C14orf39: variants seen among roughly 807,000 people sequenced by gnomAD.
C14orf39 encodes the protein chromosome 14 open reading frame 39.
A neutral mutation model predicts 85.6 loss-of-function variants in C14orf39; 66 were observed. That is an observed-to-expected ratio of 0.77 (90% CI 0.63 to 0.95). The LOEUF (loss-of-function observed/expected upper bound fraction) is 0.95. C14orf39 is among the 40% of genes least tolerant of loss of function. The pLI is 0.00. For missense variants in C14orf39, 735 were observed against 663.9 expected (o/e 1.11, Z -1.18); for synonymous variants, 242 against 214.0 (o/e 1.13, Z -1.14).
At chr14:60,500,097 G>A (rs1481927289) in intron 1 of C14orf39, among the ~76,000 whole-genome samples, 1 of 152,086 alleles carries the variant, frequency 6.6e-6, no homozygotes, top group East Asian at 1.9e-4. Flanking sequence ...GCGCGATCTT[G>A]GCTCACTACA....
intron 1 of C14orf39, among the ~76,000 whole-genome samples, chr14:60,507,956 C>A (rs1465867196): frequency 1.3e-5 from 2 of 152,090 alleles, no homozygotes; most frequent in Non-Finnish European, 2.9e-5. Flanking sequence ...TTGACCCAGG[C>A]CTCAGAAAAT....
chr14:60,441,711 GAAGA>G (rs1392038214), intron 17 of C14orf39, among the ~76,000 whole-genome samples: 10 of 151,742 alleles, frequency 6.6e-5, no homozygotes, highest in Admixed American at 6.6e-4. Context: ...AAGGAAAAAT[GAAGA>G]AAGAATATCC....
chr14:60,458,701 T>C lies in C14orf39; in HGVS notation c.1156A>G (p.Arg386Gly), dbSNP rs113636806. The change falls in exon 14 of 18, where the codon AGA (arginine) becomes GGA (glycine). Residue 386 changes from arginine (R) to glycine (G), a missense_variant. Transcript: ENST00000321731. ...YGDKGTVRQVRESKCTSQAIY... is the reference protein window; with the variant it reads ...YGDKGTVRQVGESKCTSQAIY... ...ACTTGTGAAGTACATTTTGATTCTC[T>C]TACTTGTCTTACTGTCCCTTTATCT... The C allele has an allele frequency of 1.7e-4, 280 of 1,603,330 alleles. 4 individuals carry two copies. The African/African-American group carries it at 1.9e-3, about 11-fold the overall frequency.
chr14:60,507,346 G>A (rs1566690131), intron 1 of C14orf39, among the ~76,000 whole-genome samples: 1 of 152,214 alleles, frequency 6.6e-6, no homozygotes, highest in East Asian at 1.9e-4. Context: ...CTGCGTGTTC[G>A]GGGCCCTTGT....
chr14:60,496,268 C>T (rs1020600201), intron 2 of C14orf39: 1 of 389,040 alleles, frequency 2.6e-6, no homozygotes, highest in Non-Finnish European at 5.2e-6. Context: ...AGGATCTGCT[C>T]AAGGACCCAC....
chr14:60,499,846 A>G (rs149521194), intron 1 of C14orf39, among the ~76,000 whole-genome samples: 1,949 of 152,346 alleles, frequency 0.013, 18 homozygotes, highest in Middle Eastern at 0.027. Context: ...AAACATCCCA[A>G]TGGAAAATTC....
At chr14:60,473,457 T>A (rs1162234303) in intron 5 of C14orf39, among the ~76,000 whole-genome samples, 1 of 152,194 alleles carries the variant, frequency 6.6e-6, no homozygotes, top group Non-Finnish European at 1.5e-5. Flanking sequence ...GCTTTTGGTG[T>A]TTTAGACATG....
In C14orf39 at chr14:60,509,356, C is replaced by T. The variant is rs768860283; in HGVS notation, c.-144+6039G>A. ...GGCCCGCGGGCATCTGCTGCGTGTC[C>T]CGCTCCGGGCTCAGTGCCCTCGCCG... On this transcript the variant is annotated intron_variant, in intron 1 of 5. Transcript: ENST00000556799. 9 of 1,558,416 alleles carry T rather than the reference C, an allele frequency of 5.8e-6. No individual in the cohort carries two copies. The Admixed American group carries it at 1.5e-4, about 26-fold the overall frequency.
chr14:60,454,681 T>C (rs1464062603), intron 16 of C14orf39, among the ~76,000 whole-genome samples: 1 of 151,986 alleles, frequency 6.6e-6, no homozygotes, highest in Non-Finnish European at 1.5e-5. Flanking sequence ...TATGGAACAT[T>C]TTTTATGTTG....
At chr14:60,463,027 T>C (rs988435764) in intron 11 of C14orf39, among the ~76,000 whole-genome samples, 12 of 152,286 alleles carry the variant, frequency 7.9e-5, no homozygotes, top group African/African-American at 2.9e-4. Context: ...TTTTTATTTG[T>C]AATAAATTTA....
At chr14:60,512,566 A>T (rs897098689) in intron 1 of C14orf39, 10 of 152,244 alleles carry the variant, frequency 6.6e-5, no homozygotes, top group African/African-American at 2.4e-4. Flanking sequence ...AGGCTGTAGA[A>T]ATAACTGGCA....
At chr14:60,460,514 CA>C (rs1180745804) in intron 13 of C14orf39, among the ~76,000 whole-genome samples, 1 of 151,588 alleles carries the variant, frequency 6.6e-6, no homozygotes, top group East Asian at 1.9e-4. Context: ...AACTTCAAAA[CA>C]AAAGTCAGTT....
At chr14:60,458,082 G>A (rs1349815058) in intron 14 of C14orf39, among the ~76,000 whole-genome samples, 1 of 151,810 alleles carries the variant, frequency 6.6e-6, no homozygotes, top group Non-Finnish European at 1.5e-5. Flanking sequence ...CAGTGTACTT[G>A]GGATATCCAT....
intron 17 of C14orf39, among the ~76,000 whole-genome samples, chr14:60,439,988 T>C (rs1282505723): frequency 3.3e-5 from 5 of 152,124 alleles, no homozygotes; most frequent in Non-Finnish European, 5.9e-5. Context: ...GGCAGGAGAA[T>C]TGCTTGAACC....
chr14:60,456,855 T>C (rs1217203663), intron 15 of C14orf39, 62 bp downstream of exon 15: 1 of 1,367,796 alleles, frequency 7.3e-7, no homozygotes, highest in Non-Finnish European at 9.9e-7. Context: ...ACTATTCCTA[T>C]CAGTTATTTA....
intron 2 of C14orf39, chr14:60,496,774 C>T (rs1318412253): frequency 2.0e-5 from 3 of 152,950 alleles, no homozygotes; most frequent in African/African-American, 7.2e-5. Flanking sequence ...TCCCCTGCCA[C>T]TGGTGCCACT....
At chr14:60,490,960 G>A (rs915273987), upstream of C14orf39, among the ~76,000 whole-genome samples, 21 of 152,136 alleles carry the variant, frequency 1.4e-4, no homozygotes, top group African/African-American at 4.6e-4. Flanking sequence ...AGAAGCCTAT[G>A]ACACATAAAT....
rs916406064 is a variant in C14orf39, at chr14:60,436,310, A to C, written c.*535T>G. The C allele has an allele frequency of 1.3e-5, 2 of 152,220 alleles. No homozygotes were observed. Among genetic ancestry groups the C allele is most frequent in the African/African-American group, 4.8e-5 (2 of 41,452 alleles). 9.4% of individuals were successfully genotyped at this position (152,220 alleles called of 1,614,324 possible). ...TAAAATTAGAATTGTACCATGTGTT[A>C]TATTAGAAGAAAATAACACAGATTT... On this transcript the variant is annotated 3_prime_UTR_variant, in exon 18 of 18. Coordinates refer to ENST00000321731, the MANE Select transcript of C14orf39 (RefSeq NM_174978.3).
intron 16 of C14orf39, among the ~76,000 whole-genome samples, chr14:60,450,010 TGAATA>T (rs1432975048): frequency 6.6e-6 from 1 of 152,192 alleles, no homozygotes; most frequent in African/African-American, 2.4e-5. Context: ...CCTTGGGCCC[TGAATA>T]ACCAGGAGTG....
Sources: allele counts gnomAD v4.1 joint callset (sites outside exome capture counted in the v4.1 genomes callset), GRCh38; gene constraint gnomAD v4.1.1; transcripts MANE v1.5; gene names NCBI Gene and HGNC (gene_info 2026-07-23, HGNC 2026-07-21).